The following KCNK2 variants were observed in gnomAD, a reference collection of about 807,000 sequenced individuals.
The protein encoded by KCNK2 is potassium channel subfamily K member 2.
Under a neutral mutation model 40.5 loss-of-function variants are expected in KCNK2, and 21 were observed. The observed-to-expected ratio is 0.52, with a 90% CI of 0.37 to 0.75. The LOEUF is 0.75. Among genes scored for constraint, KCNK2 ranks in the 30% least tolerant of loss-of-function variants. The probability of loss-of-function intolerance (pLI) is 0.00; values close to 1 mark genes in which losing one functional copy is unlikely to be tolerated. For synonymous variants in KCNK2, 191 were observed against 202.2 expected (o/e 0.94, Z 0.47); for missense variants, 399 against 531.6 (o/e 0.75, Z 2.45).
chr1:215,218,575 G>C (rs1666045726), intron 6 of KCNK2, among the ~76,000 whole-genome samples: 1 of 152,048 alleles, frequency 6.6e-6, no homozygotes, highest in African/African-American at 2.4e-5. Flanking sequence ...CATGAACAAA[G>C]CATGTAAATG....
At chr1:215,175,924 A>T (rs1663947485) in intron 5 of KCNK2, among the ~76,000 whole-genome samples, 1 of 152,228 alleles carries the variant, frequency 6.6e-6, no homozygotes, top group South Asian at 2.1e-4. Flanking sequence ...GATTGATTCC[A>T]TGCCTTGGCT....
intron 4 of KCNK2, among the ~76,000 whole-genome samples, chr1:215,170,742 A>G (rs967110208): frequency 3.3e-5 from 5 of 152,174 alleles, no homozygotes; most frequent in African/African-American, 1.2e-4. Flanking sequence ...ATTTAAAAGA[A>G]TTATCTGTTT....
rs567427918 is a variant in KCNK2, at chr1:215,158,953, G to T, written c.476-10246G>T. Among the ~76,000 whole-genome samples the T allele has an allele frequency of 3.3e-5, 5 of 152,280 alleles. No individual in the cohort carries two copies. In the South Asian group the frequency reaches 1.0e-3, roughly 32 times the overall value. On this transcript the variant is annotated intron_variant, in intron 3 of 6. Coordinates refer to ENST00000444842, the MANE Select transcript of KCNK2 (RefSeq NM_001017425.3). ...ATGTTAGAATAGAGGATGGGTTAGA[G>T]GTTGTTGAGTTCTAGAGTTCTATTC... is the stretch of plus-strand genomic sequence containing the variant.
intron 6 of KCNK2, among the ~76,000 whole-genome samples, chr1:215,221,802 C>G (rs919558774): frequency 6.6e-6 from 1 of 152,206 alleles, no homozygotes; most frequent in African/African-American, 2.4e-5. Flanking sequence ...GAAAATTTAT[C>G]TAAGCACACA....
At chr1:215,233,284 CTTG>C (rs1338598525) in intron 6 of KCNK2, among the ~76,000 whole-genome samples, 1 of 151,818 alleles carries the variant, frequency 6.6e-6, no homozygotes, top group African/African-American at 2.4e-5. Flanking sequence ...GCAATTATTT[CTTG>C]TTAAGACAGT....
chr1:215,019,949 C>CTATA lies in KCNK2; in HGVS notation c.34+14004_34+14007dup, dbSNP rs5780810. On this transcript the variant is annotated intron_variant, in intron 1 of 6. Coordinates refer to the KCNK2 transcript ENST00000391895. ...AGAGGGTACATGAGCAGAGGGACCA[C>CTATA]TATATATATATATTTACCATATTGT... 3.2e-4 allele frequency among the ~76,000 whole-genome samples: 49 copies of CTATA among 151,102 alleles called. 1 individual carries two copies. The East Asian group carries it at 3.3e-3, about 10-fold the overall frequency.
At chr1:215,110,703 G>T (rs1388259616) in intron 2 of KCNK2, among the ~76,000 whole-genome samples, 1 of 151,506 alleles carries the variant, frequency 6.6e-6, no homozygotes, top group Non-Finnish European at 1.5e-5. Context: ...TTTTAGGTTC[G>T]TGGCAAAATT....
chr1:215,191,004 G>A (rs1664641910), intron 5 of KCNK2, among the ~76,000 whole-genome samples: 1 of 151,214 alleles, frequency 6.6e-6, no homozygotes, highest in Non-Finnish European at 1.5e-5. Context: ...TCTTCTAGGG[G>A]CCAGGCATGG....
At chr1:215,222,112 A>G (rs1159118729) in intron 6 of KCNK2, among the ~76,000 whole-genome samples, 2 of 152,108 alleles carry the variant, frequency 1.3e-5, no homozygotes, top group African/African-American at 4.8e-5. Flanking sequence ...TACCGTGTAA[A>G]CAGCACCAAG....
At chr1:215,036,787 G>C (rs1290651652) in intron 1 of KCNK2, among the ~76,000 whole-genome samples, 1 of 151,706 alleles carries the variant, frequency 6.6e-6, no homozygotes, top group Non-Finnish European at 1.5e-5. Context: ...TGATGTTTTT[G>C]TGTGTGTTAT....
chr1:215,146,239 A>T (rs1284669750), intron 3 of KCNK2, among the ~76,000 whole-genome samples: 1 of 152,162 alleles, frequency 6.6e-6, no homozygotes, highest in African/African-American at 2.4e-5. Flanking sequence ...TTCTTTGGCA[A>T]AATTTCTTTG....
intron 6 of KCNK2, among the ~76,000 whole-genome samples, chr1:215,210,979 T>C (rs1335589552): frequency 6.6e-6 from 1 of 152,126 alleles, no homozygotes; most frequent in African/African-American, 2.4e-5. Flanking sequence ...ATGAGCTCAC[T>C]CTAGATTATT....
At chr1:215,021,734 G>A (rs1275516238) in intron 1 of KCNK2, among the ~76,000 whole-genome samples, 1 of 151,904 alleles carries the variant, frequency 6.6e-6, no homozygotes, top group Non-Finnish European at 1.5e-5. Context: ...ATTTTTAGTA[G>A]AGACGGGGTT....
chr1:215,223,262 A>AT (rs1491374781), intron 6 of KCNK2, among the ~76,000 whole-genome samples: 20 of 138,960 alleles, frequency 1.4e-4, no homozygotes, highest in African/African-American at 5.0e-4. Flanking sequence ...AAAAAAAAAA[A>AT]GTCAAAACTC....
intron 2 of KCNK2, among the ~76,000 whole-genome samples, chr1:215,116,828 T>C (rs1660965260): frequency 6.6e-6 from 1 of 152,004 alleles, no homozygotes; most frequent in Non-Finnish European, 1.5e-5. Flanking sequence ...TGGCATATTG[T>C]TTCTTACAAA....
intron 1 of KCNK2, among the ~76,000 whole-genome samples, chr1:215,055,443 C>A (rs1417493264): frequency 6.6e-6 from 1 of 152,222 alleles, no homozygotes; most frequent in East Asian, 1.9e-4. Context: ...CCCCACAGAA[C>A]TGCTTCTGTA....
chr1:215,038,396 A>T (rs1657455412), intron 1 of KCNK2, among the ~76,000 whole-genome samples: 2 of 152,118 alleles, frequency 1.3e-5, no homozygotes, highest in East Asian at 1.9e-4. Context: ...CTTTCAGGAG[A>T]TAGAGAACTG....
At position 215,083,156 on chromosome 1, in the gene KCNK2, G is replaced by C; in HGVS notation, c.-230G>C. ...GCCTCGCCCTCTGCCCAGCCCGCCGGTGTCCCCTCCTTCCCGCGATTTCGT... is the reference window on the plus strand; with the variant it reads ...GCCTCGCCCTCTGCCCAGCCCGCCGCTGTCCCCTCCTTCCCGCGATTTCGT... On this transcript the variant is annotated 5_prime_UTR_variant, in exon 1 of 7. Coordinates refer to ENST00000444842, the MANE Select transcript of KCNK2 (RefSeq NM_001017425.3). 1.3e-5 allele frequency: 12 copies of C among 933,598 alleles called. No individual in the cohort carries two copies. Among genetic ancestry groups the C allele is most frequent in the Non-Finnish European group, 1.8e-5 (11 of 607,738 alleles). The allele number at this position is 933,598 out of a possible 1,614,324, so 57.8% of individuals were successfully genotyped here.
intron 3 of KCNK2, among the ~76,000 whole-genome samples, chr1:215,167,760 G>C (rs1663513275): frequency 6.6e-6 from 1 of 152,100 alleles, no homozygotes; most frequent in Admixed American, 6.6e-5. Context: ...TTCTCAGTGT[G>C]TTCTGAATGA....
Sources: gnomAD v4.1 joint callset for allele counts (sites outside exome capture counted in the v4.1 genomes callset) on GRCh38, gnomAD v4.1.1 for gene constraint, MANE v1.5 for transcripts, NCBI Gene and HGNC (gene_info 2026-07-23, HGNC 2026-07-21) for gene names.